Variants in RBFOX1 observed in about 807,000 individuals in gnomAD.
RBFOX1 encodes the protein RNA binding fox-1 homolog 1, also known as RNA binding protein fox-1 homolog 1.
A neutral mutation model predicts 57.7 loss-of-function variants in RBFOX1; 8 were observed. That is an observed-to-expected ratio of 0.14 (90% CI 0.08 to 0.25). RBFOX1 has a LOEUF of 0.25. RBFOX1 is among the 10% of genes least tolerant of loss of function. The pLI is 1.00. For missense variants in RBFOX1, 611 were observed against 548.5 expected (o/e 1.11, Z -1.14); for synonymous variants, 326 against 222.4 (o/e 1.47, Z -4.15).
At chr16:6,415,675 TG>T (rs2093605208) in intron 2 of RBFOX1, among the ~76,000 whole-genome samples, 1 of 152,148 alleles carries the variant, frequency 6.6e-6, no homozygotes, top group Non-Finnish European at 1.5e-5. Flanking sequence ...CACTCTAGCC[TG>T]GGCAACAAAG....
At chr16:5,603,146 C>T (rs778257261), downstream of RBFOX1, among the ~76,000 whole-genome samples, 10 of 152,238 alleles carry the variant, frequency 6.6e-5, no homozygotes, top group South Asian at 2.1e-4. Context: ...TGCTTTGGCA[C>T]TGTCTCCCAG....
At chr16:6,767,356 C>A (rs112402587) in intron 3 of RBFOX1, among the ~76,000 whole-genome samples, 48 of 152,238 alleles carry the variant, frequency 3.2e-4, no homozygotes, top group African/African-American at 1.1e-3. Context: ...TCTCTGCCCC[C>A]CTGAGAATGT....
chr16:6,910,819 C>G (rs768881080), intron 3 of RBFOX1, among the ~76,000 whole-genome samples: 8 of 152,154 alleles, frequency 5.3e-5, no homozygotes, highest in African/African-American at 7.2e-5. Context: ...TTTCAGTTGA[C>G]TGGTATATCT....
intron 2 of RBFOX1, among the ~76,000 whole-genome samples, chr16:5,472,134 A>G (rs1488507672): frequency 6.6e-6 from 1 of 152,070 alleles, no homozygotes; most frequent in Admixed American, 6.6e-5. Flanking sequence ...TCTTATTATC[A>G]CGGCTCTCTC....
At chr16:5,516,937 G>A (rs539087647) in intron 2 of RBFOX1, among the ~76,000 whole-genome samples, 1 of 151,472 alleles carries the variant, frequency 6.6e-6, no homozygotes, top group African/African-American at 2.4e-5. Context: ...CCCAGTCTCA[G>A]GTATTTCTTA....
intron 3 of RBFOX1, among the ~76,000 whole-genome samples, chr16:7,048,036 G>T (rs1353161930): frequency 6.6e-6 from 1 of 151,488 alleles, no homozygotes; most frequent in Non-Finnish European, 1.5e-5. Context: ...CTGCCACAAC[G>T]CCTGGCTAAT....
chr16:7,178,414 T>C (rs549420830), intron 4 of RBFOX1, among the ~76,000 whole-genome samples: 1 of 152,334 alleles, frequency 6.6e-6, no homozygotes, highest in East Asian at 1.9e-4. Context: ...TCTTCCCAAG[T>C]TCGCAGGAGG....
intron 1 of RBFOX1, among the ~76,000 whole-genome samples, chr16:6,077,881 A>G (rs1017486372): frequency 5.3e-5 from 8 of 152,050 alleles, no homozygotes; most frequent in Admixed American, 3.9e-4. Context: ...GTTGTGACTA[A>G]TGTTAGGAAC....
At chr16:5,666,481 C>T (rs993963648) in intron 3 of RBFOX1, among the ~76,000 whole-genome samples, 2 of 152,116 alleles carry the variant, frequency 1.3e-5, no homozygotes, top group Non-Finnish European at 2.9e-5. Context: ...TCCTAGATCC[C>T]AGAAATAGAG....
At chr16:7,194,149 A>T (rs1221698593) in intron 4 of RBFOX1, among the ~76,000 whole-genome samples, 2 of 152,190 alleles carry the variant, frequency 1.3e-5, no homozygotes, top group Non-Finnish European at 2.9e-5. Context: ...ATTTGGTACT[A>T]GAGTGTCTTA....
intron 1 of RBFOX1, among the ~76,000 whole-genome samples, chr16:6,075,666 A>T (rs150847515): frequency 1.9e-4 from 29 of 152,356 alleles, no homozygotes; most frequent in African/African-American, 7.0e-4. Context: ...AATCCAGTGC[A>T]TTCAATACAG....
intron 3 of RBFOX1, among the ~76,000 whole-genome samples, chr16:5,792,871 A>G (rs75613437): frequency 0.035 from 5,323 of 152,224 alleles, 336 homozygotes; most frequent in African/African-American, 0.12. Context: ...GATAAGAAAT[A>G]GGTTTACTAT....
chr16:6,403,733 T>A (rs2093170007), intron 2 of RBFOX1, among the ~76,000 whole-genome samples: 1 of 152,128 alleles, frequency 6.6e-6, no homozygotes, highest in Non-Finnish European at 1.5e-5. Context: ...ACCGAAGGAC[T>A]GTGGAGGCAT....
intron 5 of RBFOX1, among the ~76,000 whole-genome samples, chr16:7,565,639 G>A (rs909143254): frequency 6.6e-6 from 1 of 152,206 alleles, no homozygotes; most frequent in African/African-American, 2.4e-5. Context: ...GTACTTCGCA[G>A]TGGGTACTCA....
rs112717715 is a variant in RBFOX1 at position 6,633,305 on chromosome 16, G to A, written c.-63-21298G>A. Among the ~76,000 whole-genome samples the A allele has an allele frequency of 8.2e-3, 1,240 of 152,124 alleles. 12 individuals are homozygous for A. Among genetic ancestry groups the A allele is most frequent in the Middle Eastern group, 0.017 (5 of 294 alleles). ...TATTTTATTTTTTTTGAGACAGAGT[G>A]TCACTCTTGTCGCCCAGGCTGGAAT... On this transcript the variant is annotated intron_variant, in intron 2 of 15. Coordinates refer to ENST00000550418, the MANE Select transcript of RBFOX1 (RefSeq NM_018723.4).
At chr16:7,168,746 ATTAT>A (rs1452562672) in intron 4 of RBFOX1, among the ~76,000 whole-genome samples, 1 of 152,288 alleles carries the variant, frequency 6.6e-6, no homozygotes, top group East Asian at 1.9e-4. Context: ...TCCATAACAC[ATTAT>A]TTATTCACTC....
At chr16:5,847,675 C>G (rs139485618) in intron 3 of RBFOX1, among the ~76,000 whole-genome samples, 22 of 152,276 alleles carry the variant, frequency 1.4e-4, no homozygotes, top group East Asian at 3.9e-4. Context: ...CGGAGGCTGA[C>G]TGGCTTAGCT....
chr16:5,944,050 C>T (rs1003951340), intron 4 of RBFOX1, among the ~76,000 whole-genome samples: 2 of 139,508 alleles, frequency 1.4e-5, no homozygotes, highest in Non-Finnish European at 1.5e-5. Context: ...ATCATCAATC[C>T]ATCCATCCAT....
intron 2 of RBFOX1, among the ~76,000 whole-genome samples, chr16:6,532,662 A>G (rs1346702001): frequency 6.6e-6 from 1 of 151,720 alleles, no homozygotes; most frequent in Non-Finnish European, 1.5e-5. Flanking sequence ...GCACATGCAC[A>G]CTCTGGACTG....
Sources: gnomAD v4.1 joint callset for allele counts (sites outside exome capture counted in the v4.1 genomes callset) on GRCh38, gnomAD v4.1.1 for gene constraint, MANE v1.5 for transcripts, NCBI Gene and HGNC (gene_info 2026-07-23, HGNC 2026-07-21) for gene names.